Variants in PCDHA3 observed in about 807,000 individuals in gnomAD.
The protein encoded by PCDHA3 is protocadherin alpha 3, also known as protocadherin alpha-3.
A neutral mutation model predicts 62.2 loss-of-function variants in PCDHA3; 41 were observed. That is an observed-to-expected ratio of 0.66 (90% confidence interval 0.51 to 0.86). PCDHA3 has a LOEUF of 0.86. PCDHA3 is among the 40% of genes least tolerant of loss of function. The pLI, the probability that PCDHA3 is intolerant of heterozygous loss-of-function variation, is 0.00. For synonymous variants in PCDHA3, 640 were observed against 555.4 expected, an observed-to-expected ratio of 1.15 and a Z score of -2.14; for missense variants, 1,304 against 1,241.2, an observed-to-expected ratio of 1.05 and a Z score of -0.76.
At position 141,009,773 on chromosome 5, in the gene PCDHA3, A is replaced by C. The variant is rs782087059; in HGVS notation, c.2689A>C (p.Ile897Leu). ...KFIIPGSPAI[I>L]SIRQEPTNSQ... is the part of the protein sequence containing the mutation. ...CATTATCCCAGGATCTCCTGCAATC[A>C]TCTCCATCCGGCAGGAGCCTACTAA... Residue 897 changes from isoleucine to leucine, a missense_variant, in exon 4 of 4, where the codon ATC becomes CTC. Physicochemically the swap from Ile to Leu is conservative, Grantham distance 5. Transcript: ENST00000522353. 1 of 1,614,128 alleles carries C rather than the reference A, an allele frequency of 6.2e-7. No individual in the cohort carries two copies. Among genetic ancestry groups the C allele is most frequent in the East Asian group, 2.2e-5 (1 of 44,878 alleles).
At chr5:140,968,995 A>G in intron 1 of PCDHA3, 2 of 1,614,200 alleles carry the variant, frequency 1.2e-6, no homozygotes, top group Non-Finnish European at 1.7e-6. Flanking sequence ...CATGCTGTGG[A>G]GGCTTCTGTG....
chr5:140,993,617 C>A (rs1299213362), intron 3 of PCDHA3, among the ~76,000 whole-genome samples: 3 of 152,034 alleles, frequency 2.0e-5, no homozygotes, highest in Non-Finnish European at 4.4e-5. Context: ...TGTTGGGACC[C>A]TCTATATATA....
At chr5:140,835,552 C>G (rs550090383) in intron 1 of PCDHA3, 1 of 1,613,824 alleles carries the variant, frequency 6.2e-7, no homozygotes. Flanking sequence ...TGCTCCCTGA[C>G]GCCCCGCGTT....
chr5:140,842,284 C>T (rs2150333443), intron 1 of PCDHA3: 8 of 1,610,320 alleles, frequency 5.0e-6, no homozygotes, highest in Admixed American at 1.7e-5. Context: ...TCCTCATTGA[C>T]GCCACGGACA....
chr5:140,993,562 C>G (rs1233872464), intron 3 of PCDHA3, among the ~76,000 whole-genome samples: 3 of 150,520 alleles, frequency 2.0e-5, no homozygotes, highest in Non-Finnish European at 4.4e-5. Flanking sequence ...TATATAGTAT[C>G]CTTTCTAGGG....
chr5:140,895,070 C>G (rs2064827781), intron 1 of PCDHA3, among the ~76,000 whole-genome samples: 1 of 152,106 alleles, frequency 6.6e-6, no homozygotes, highest in African/African-American at 2.4e-5. Context: ...GACTCAATTC[C>G]TATCAGTTCC....
In PCDHA3 at chr5:140,924,907, AAAATAAAAT is replaced by A. The variant is rs1563068988; in HGVS notation, c.2395-54038_2395-54030del. 7.1e-4 allele frequency among the ~76,000 whole-genome samples: 36 copies of A among 50,968 alleles called. 1 individual carries two copies. The highest frequency in any genetic ancestry group is 1.7e-3 in the African/African-American group (12 of 7,266). The allele number at this position is 50,968 out of a possible 152,430, so 33.4% of individuals were successfully genotyped here. ...AAGAACCTGTCTCAAAAAAAAAAAT[AAAATAAAAT>A]AAAATAAAATAAAATAAAATAAAAA... On this transcript the variant is annotated intron_variant, in intron 1 of 3. Transcript: ENST00000522353.
chr5:140,814,582 T>C (rs1437019387), intron 1 of PCDHA3: 8 of 152,350 alleles, frequency 5.3e-5, no homozygotes, highest in South Asian at 2.1e-4. Flanking sequence ...TGTAAATTAC[T>C]GTACATAATT....
chr5:140,936,037 C>A (rs2090734622), intron 1 of PCDHA3, among the ~76,000 whole-genome samples: 2 of 151,862 alleles, frequency 1.3e-5, no homozygotes, highest in Non-Finnish European at 1.5e-5. Flanking sequence ...GGATTACAGG[C>A]ACCCACCACC....
intron 1 of PCDHA3, among the ~76,000 whole-genome samples, chr5:140,921,272 C>T (rs2080137544): frequency 6.6e-6 from 1 of 152,074 alleles, no homozygotes; most frequent in African/African-American, 2.4e-5. Context: ...TTTATACTTA[C>T]TTGAAAAAAA....
intron 1 of PCDHA3, among the ~76,000 whole-genome samples, chr5:140,846,531 T>C (rs1780536785): frequency 6.7e-6 from 1 of 148,410 alleles, no homozygotes; most frequent in African/African-American, 2.5e-5. Flanking sequence ...CATGCCACCA[T>C]GCCCTGCTAA....
chr5:140,882,331 C>T, intron 1 of PCDHA3: 3 of 1,614,214 alleles, frequency 1.9e-6, no homozygotes, highest in South Asian at 2.2e-5. Flanking sequence ...TTCTGATCCT[C>T]GCAGCCTGGG....
chr5:140,912,393 G>T (rs1312827248), intron 1 of PCDHA3, among the ~76,000 whole-genome samples: 1 of 147,816 alleles, frequency 6.8e-6, no homozygotes, highest in Admixed American at 6.7e-5. Context: ...TTCTTAATTT[G>T]ATTCTCAGCT....
chr5:140,960,597 C>T (rs1315375637), intron 1 of PCDHA3, among the ~76,000 whole-genome samples: 1 of 152,092 alleles, frequency 6.6e-6, no homozygotes, highest in South Asian at 2.1e-4. Context: ...ATTCAAGGTA[C>T]TTCAACAATA....
intron 1 of PCDHA3, among the ~76,000 whole-genome samples, chr5:140,886,521 C>A (rs1056353739): frequency 5.9e-5 from 9 of 152,038 alleles, no homozygotes; most frequent in African/African-American, 1.9e-4. Flanking sequence ...TTAAGGTCTG[C>A]ATATTCAGTT....
chr5:140,835,553 GC>G (rs1562346657), intron 1 of PCDHA3: 4 of 1,613,754 alleles, frequency 2.5e-6, no homozygotes, highest in Non-Finnish European at 3.4e-6. Flanking sequence ...GCTCCCTGAC[GC>G]CCCGCGTTCC....
rs1217280072 is a variant in PCDHA3 at position 140,819,168 on chromosome 5, A to G, written c.2394+15577A>G. ...AATTTTTATACAGAATTAATTTTTG[A>G]AGAATCAAATGACATATGTGCATAA... On this transcript the variant is annotated intron_variant, in intron 1 of 3. Coordinates refer to ENST00000522353, the MANE Select transcript of PCDHA3 (RefSeq NM_018906.3). Among the ~76,000 whole-genome samples, 9 of 152,332 alleles carry G rather than the reference A, an allele frequency of 5.9e-5. 1 individual carries two copies. Among genetic ancestry groups the G allele is most frequent in the African/African-American group, 2.2e-4 (9 of 41,590 alleles).
At chr5:140,858,775 A>C (rs2045585315) in intron 1 of PCDHA3, 2 of 422,450 alleles carry the variant, frequency 4.7e-6, no homozygotes, top group Non-Finnish European at 8.6e-6. Context: ...TGAGATTAGT[A>C]CTTCATGTTA....
At chr5:140,829,528 G>T (rs1554132046) in intron 1 of PCDHA3, 12 of 1,613,294 alleles carry the variant, frequency 7.4e-6, no homozygotes, top group Non-Finnish European at 1.0e-5. Flanking sequence ...CGGTGTCTGC[G>T]CGAGACGCGG....
Sources: allele counts gnomAD v4.1 joint callset (sites outside exome capture counted in the v4.1 genomes callset), GRCh38; gene constraint gnomAD v4.1.1; transcripts MANE v1.5; gene names NCBI Gene and HGNC (gene_info 2026-07-23, HGNC 2026-07-21).